Variants in MOB3B observed in about 807,000 individuals in gnomAD.
MOB3B encodes MOB kinase activator-like 2B.
MOB3B carries 7 observed loss-of-function variants against 18.7 expected under a neutral mutation model. The observed-to-expected ratio is 0.37, with a 90% confidence interval of 0.21 to 0.70. The LOEUF (loss-of-function observed/expected upper bound fraction) is 0.70, where lower values mean the gene tolerates loss of function less well. Ranked by LOEUF, MOB3B falls within the 30% of genes least tolerant of loss-of-function variation. The pLI is 0.52. For synonymous variants in MOB3B, 111 were observed against 99.9 expected (o/e 1.11, Z -0.66); for missense variants, 253 against 281.3 (o/e 0.90, Z 0.72).
intron 1 of MOB3B, chr9:27,524,999 A>T: frequency 6.1e-6 from 9 of 1,480,750 alleles, no homozygotes; most frequent in Non-Finnish European, 7.2e-6. Context: ...TCCCTCCGAA[A>T]TCTCTTTCTC....
chr9:27,466,201 C>T (rs893898104), intron 1 of MOB3B, among the ~76,000 whole-genome samples: 7 of 152,186 alleles, frequency 4.6e-5, no homozygotes. Flanking sequence ...TTTCTTCCGC[C>T]AGTTACCCTA....
chr9:27,471,066 C>T (rs1407921519), intron 1 of MOB3B, among the ~76,000 whole-genome samples: 2 of 152,134 alleles, frequency 1.3e-5, no homozygotes, highest in African/African-American at 2.4e-5. Context: ...TGGGGACACT[C>T]GGAAATGGCA....
chr9:27,360,490 G>A (rs1446229129), intron 2 of MOB3B, among the ~76,000 whole-genome samples: 1 of 152,232 alleles, frequency 6.6e-6, no homozygotes, highest in Non-Finnish European at 1.5e-5. Context: ...TGGCGACAGA[G>A]TGAGACTCCG....
chr9:27,334,892 C>T lies in MOB3B; in HGVS notation c.622-4276G>A, dbSNP rs1157907595. The stretch of plus-strand genomic sequence containing the variant: ...AGGCTGGAGCGCAGTGGCGCGATCT[C>T]GGCTCACTGCAAGCTCCACCTCCTG... On this transcript the variant is annotated intron_variant, in intron 3 of 3. Coordinates refer to ENST00000262244, the MANE Select transcript of MOB3B (RefSeq NM_024761.5). Among the ~76,000 whole-genome samples the T allele has an allele frequency of 5.9e-5, 9 of 152,302 alleles. No individual in the cohort carries two copies. The South Asian group carries it at 1.2e-3, about 21-fold the overall frequency.
intron 2 of MOB3B, among the ~76,000 whole-genome samples, chr9:27,376,870 T>C (rs1277702942): frequency 2.6e-5 from 4 of 152,150 alleles, no homozygotes; most frequent in Non-Finnish European, 5.9e-5. Flanking sequence ...CATGACAAAT[T>C]TTAAGAACCA....
chr9:27,524,401 T>C, intron 1 of MOB3B: 1 of 1,614,060 alleles, frequency 6.2e-7, no homozygotes, highest in Non-Finnish European at 8.5e-7. Context: ...GGTATATTCA[T>C]TGCTGGCACC....
intron 2 of MOB3B, among the ~76,000 whole-genome samples, chr9:27,393,030 C>T (rs193129024): frequency 1.3e-5 from 2 of 152,194 alleles, no homozygotes; most frequent in East Asian, 3.9e-4. Context: ...ACTGATTGTC[C>T]CTAGCATTTT....
chr9:27,481,508 T>G lies in MOB3B; in HGVS notation c.-198-25760A>C, dbSNP rs893011654. Among the ~76,000 whole-genome samples the G allele has an allele frequency of 3.8e-3, 106 of 28,180 alleles. 1 individual carries two copies. The highest frequency in any genetic ancestry group is 1.0e-2 in the African/African-American group (100 of 10,006). 18.5% of individuals were successfully genotyped at this position (28,180 alleles called of 152,430 possible). A position where few individuals can be genotyped will look rare whatever the true frequency, so the allele number is the denominator to read the frequency against. On this transcript the variant is annotated intron_variant, in intron 1 of 3. Coordinates refer to ENST00000262244, the MANE Select transcript of MOB3B (RefSeq NM_024761.5). ...GTCTAAGGAAGGTAGTTTTTTTTTT[T>G]TTGTTTTTTTTGTTTTTTTTTTTTT...
At chr9:27,495,327 C>T (rs1373450091) in intron 1 of MOB3B, among the ~76,000 whole-genome samples, 1 of 151,902 alleles carries the variant, frequency 6.6e-6, no homozygotes, top group Non-Finnish European at 1.5e-5. Context: ...GAGACCCTGT[C>T]TCCAAAATAA....
At chr9:27,441,350 C>A (rs918013014) in intron 2 of MOB3B, among the ~76,000 whole-genome samples, 35 of 152,146 alleles carry the variant, frequency 2.3e-4, no homozygotes. Context: ...CTTATGTTCA[C>A]CTTTTCACTT....
chr9:27,482,867 C>T (rs1819681690), intron 1 of MOB3B, among the ~76,000 whole-genome samples: 2 of 152,254 alleles, frequency 1.3e-5, no homozygotes, highest in South Asian at 2.1e-4. Flanking sequence ...AATGGGTTGG[C>T]CTGATAAGGC....
intron 1 of MOB3B, among the ~76,000 whole-genome samples, chr9:27,513,539 C>T (rs1820177992): frequency 6.6e-6 from 1 of 152,160 alleles, no homozygotes; most frequent in Non-Finnish European, 1.5e-5. Flanking sequence ...CTAGTACCAA[C>T]CTCTCCATTC....
rs181151176 is a variant in MOB3B at position 27,515,066 on chromosome 9, A to G, written c.-199+14489T>C. 7.2e-5 allele frequency among the ~76,000 whole-genome samples: 11 copies of G among 152,258 alleles called. No homozygotes were observed. In the East Asian group the frequency reaches 2.1e-3, roughly 29 times the overall value. On this transcript the variant is annotated intron_variant, in intron 1 of 3. Coordinates refer to ENST00000262244, the MANE Select transcript of MOB3B (RefSeq NM_024761.5). ...CCTTTTGGATGCTATAAATACTTTA[A>G]CAGATTATATTATCTCTTTGCTTGT...
At chr9:27,459,904 A>G (rs1458914967) in intron 1 of MOB3B, among the ~76,000 whole-genome samples, 4 of 151,610 alleles carry the variant, frequency 2.6e-5, no homozygotes, top group Non-Finnish European at 5.9e-5. Flanking sequence ...AAAAAGTCAT[A>G]AAGTTTTCCT....
At chr9:27,475,786 T>C (rs1819545693) in intron 1 of MOB3B, among the ~76,000 whole-genome samples, 1 of 152,230 alleles carries the variant, frequency 6.6e-6, no homozygotes, top group Non-Finnish European at 1.5e-5. Context: ...TTACTTCAAA[T>C]TGCCAACACA....
At chr9:27,465,912 C>T (rs767358547) in intron 1 of MOB3B, among the ~76,000 whole-genome samples, 6 of 152,172 alleles carry the variant, frequency 3.9e-5, no homozygotes, top group Non-Finnish European at 8.8e-5. Flanking sequence ...CCCACAAAAC[C>T]ACTTTTTCCT....
intron 2 of MOB3B, among the ~76,000 whole-genome samples, chr9:27,407,285 G>A (rs1252025448): frequency 6.6e-6 from 1 of 152,224 alleles, no homozygotes; most frequent in African/African-American, 2.4e-5. Flanking sequence ...GGCTGTGGAT[G>A]CTGCCATTTC....
chr9:27,393,777 G>A (rs1289554634), intron 2 of MOB3B, among the ~76,000 whole-genome samples: 2 of 152,136 alleles, frequency 1.3e-5, no homozygotes, highest in Admixed American at 1.3e-4. Context: ...GCGAACACTT[G>A]CTTAAGATCA....
intron 1 of MOB3B, among the ~76,000 whole-genome samples, chr9:27,506,310 C>A (rs1048834829): frequency 2.6e-5 from 4 of 152,320 alleles, no homozygotes; most frequent in African/African-American, 7.2e-5. Flanking sequence ...TTACAACCAT[C>A]ATCTATCTTT....
Sources: allele counts gnomAD v4.1 joint callset (sites outside exome capture counted in the v4.1 genomes callset), GRCh38; gene constraint gnomAD v4.1.1; transcripts MANE v1.5; gene names NCBI Gene and HGNC (gene_info 2026-07-23, HGNC 2026-07-21).